The following ADGRL3 variants were observed in gnomAD, a reference collection of about 807,000 sequenced individuals.
ADGRL3 encodes adhesion G protein-coupled receptor L3, also known as calcium-independent alpha-latrotoxin receptor 3.
Under a neutral mutation model 153.5 loss-of-function variants are expected in ADGRL3, and 62 were observed. The ratio of observed to expected loss-of-function variants is 0.40; its 90% CI spans 0.33 to 0.50. The LOEUF is 0.50. ADGRL3 is among the 20% of genes least tolerant of loss of function. The pLI is 0.47. For synonymous variants in ADGRL3, 710 were observed against 672.5 expected, an observed-to-expected ratio of 1.06 and a Z score of -0.86; for missense variants, 1,641 against 1,859.4, an observed-to-expected ratio of 0.88 and a Z score of 2.16.
At chr4:61,390,934 C>A (rs191494504) in intron 2 of ADGRL3, among the ~76,000 whole-genome samples, 1 of 152,082 alleles carries the variant, frequency 6.6e-6, no homozygotes, top group East Asian at 1.9e-4. Context: ...CAGCATAATG[C>A]CTTTGAGGTT....
chr4:61,579,002 A>G (rs2098909889), intron 4 of ADGRL3, among the ~76,000 whole-genome samples: 1 of 152,048 alleles, frequency 6.6e-6, no homozygotes, highest in South Asian at 2.1e-4. Context: ...CTTGTTAATC[A>G]TGAGTAACAT....
intron 9 of ADGRL3, among the ~76,000 whole-genome samples, chr4:61,881,191 C>G (rs1415177284): frequency 6.6e-6 from 1 of 152,128 alleles, no homozygotes; most frequent in African/African-American, 2.4e-5. Flanking sequence ...TAGGGCCTTA[C>G]ATTTTATCTG....
chr4:61,331,989 A>C (rs891134603), intron 1 of ADGRL3, among the ~76,000 whole-genome samples: 3 of 152,062 alleles, frequency 2.0e-5, no homozygotes, highest in African/African-American at 4.8e-5. Context: ...CTTTTTATTA[A>C]AATTTACTTT....
intron 6 of ADGRL3, among the ~76,000 whole-genome samples, chr4:61,711,286 C>T (rs1278717447): frequency 1.3e-5 from 2 of 151,384 alleles, no homozygotes; most frequent in African/African-American, 2.4e-5. Flanking sequence ...GAATGTATCT[C>T]ACTGCACTAG....
Position 61,315,742 on chromosome 4 carries a change from C to A in ADGRL3, c.-239-67382C>A, listed in dbSNP as rs2150630207. On this transcript the variant is annotated intron_variant, in intron 1 of 26. Coordinates refer to ENST00000683033, the MANE Select transcript of ADGRL3 (RefSeq NM_001387552.1). The stretch of plus-strand genomic sequence containing the variant: ...GGGCTCTTGGCAGCTGTTTTTTAAA[C>A]CGCCATAAAATCATTTTCAGACCTG... Among the ~76,000 whole-genome samples, 2 of 152,126 alleles carry A rather than the reference C, an allele frequency of 1.3e-5. 1 individual carries two copies. The highest frequency in any genetic ancestry group is 6.8e-3 in the Middle Eastern group (2 of 292).
chr4:61,954,096 A>C (rs920612632), intron 17 of ADGRL3, among the ~76,000 whole-genome samples: 23 of 152,128 alleles, frequency 1.5e-4, no homozygotes, highest in African/African-American at 5.3e-4. Context: ...TTCCAGACTC[A>C]GATTGCACCA....
intron 13 of ADGRL3, among the ~76,000 whole-genome samples, chr4:61,933,003 C>T (rs769895162): frequency 4.5e-4 from 68 of 151,494 alleles, no homozygotes; most frequent in Admixed American, 3.9e-3. Context: ...ATAAAAACAA[C>T]GAAGGACAGA....
At chr4:61,614,660 C>A (rs921588229) in intron 5 of ADGRL3, among the ~76,000 whole-genome samples, 1 of 152,132 alleles carries the variant, frequency 6.6e-6, no homozygotes, top group African/African-American at 2.4e-5. Flanking sequence ...ATGGTGAGCA[C>A]TTTTTTCAGT....
chr4:61,313,263 C>G (rs1265564806), intron 1 of ADGRL3, among the ~76,000 whole-genome samples: 2 of 152,140 alleles, frequency 1.3e-5, no homozygotes, highest in African/African-American at 4.8e-5. Context: ...AAGATGAGCA[C>G]AGGAGATTTT....
intron 13 of ADGRL3, among the ~76,000 whole-genome samples, chr4:61,926,206 C>G (rs1486404861): frequency 6.6e-6 from 1 of 152,130 alleles, no homozygotes; most frequent in African/African-American, 2.4e-5. Context: ...TTTATGGGAC[C>G]AGCATGGTAT....
intron 5 of ADGRL3, among the ~76,000 whole-genome samples, chr4:61,623,052 T>C (rs1560951759): frequency 6.6e-6 from 1 of 152,116 alleles, no homozygotes; most frequent in Admixed American, 6.6e-5. Flanking sequence ...AAAATGGTTT[T>C]GAAATCTCTC....
chr4:61,295,988 C>T (rs2094399265), intron 1 of ADGRL3, among the ~76,000 whole-genome samples: 1 of 151,908 alleles, frequency 6.6e-6, no homozygotes, highest in African/African-American at 2.4e-5. Flanking sequence ...CAAGCAAGAG[C>T]ACAGTATGAC....
chr4:61,207,356 T>G (rs1737780302), intron 1 of ADGRL3, among the ~76,000 whole-genome samples: 1 of 152,170 alleles, frequency 6.6e-6, no homozygotes, highest in Non-Finnish European at 1.5e-5. Context: ...GCTTCATCCA[T>G]GTCCCTGCAA....
At chr4:61,412,795 T>G (rs2097103047) in intron 2 of ADGRL3, among the ~76,000 whole-genome samples, 1 of 152,214 alleles carries the variant, frequency 6.6e-6, no homozygotes. Flanking sequence ...TATTTGTTGC[T>G]AAGATGGTGT....
intron 8 of ADGRL3, among the ~76,000 whole-genome samples, chr4:61,737,510 G>C (rs1399720210): frequency 6.6e-6 from 1 of 152,072 alleles, no homozygotes; most frequent in African/African-American, 2.4e-5. Context: ...TCTATCTCTT[G>C]TTTGACTATG....
chr4:61,821,434 C>T (rs1392839497), intron 9 of ADGRL3, among the ~76,000 whole-genome samples: 1 of 151,856 alleles, frequency 6.6e-6, no homozygotes, highest in Non-Finnish European at 1.5e-5. Flanking sequence ...TTGATCTCGT[C>T]TCACCACAAC....
At chr4:61,855,322 ATAAAAT>A in intron 9 of ADGRL3, among the ~76,000 whole-genome samples, 1 of 152,328 alleles carries the variant, frequency 6.6e-6, no homozygotes, top group South Asian at 2.1e-4. Flanking sequence ...AGAAAAAGAA[ATAAAAT>A]TAAGAGACCA....
At chr4:61,723,729 G>T (rs1474680279) in intron 6 of ADGRL3, among the ~76,000 whole-genome samples, 1 of 152,104 alleles carries the variant, frequency 6.6e-6, no homozygotes, top group Admixed American at 6.6e-5. Context: ...ATGTTGGGTG[G>T]ATCAGGTTTC....
At chr4:61,475,434 C>T (rs1042727623) in intron 2 of ADGRL3, among the ~76,000 whole-genome samples, 6 of 152,064 alleles carry the variant, frequency 3.9e-5, no homozygotes, top group Non-Finnish European at 8.8e-5. Context: ...CCCACTTAGT[C>T]CCCGTGGTCC....
Sources: allele counts gnomAD v4.1 joint callset (sites outside exome capture counted in the v4.1 genomes callset), GRCh38; gene constraint gnomAD v4.1.1; transcripts MANE v1.5; gene names NCBI Gene and HGNC (gene_info 2026-07-23, HGNC 2026-07-21).